The following MUS81 variants were observed in gnomAD, a reference collection of about 807,000 sequenced individuals.
The protein encoded by MUS81 is structure-specific endonuclease subunit MUS81.
Under a neutral mutation model 74.2 loss-of-function variants are expected in MUS81, and 69 were observed. The ratio of observed to expected loss-of-function variants is 0.93; its 90% confidence interval spans 0.77 to 1.14. The LOEUF is 1.14. Among genes scored for constraint, MUS81 ranks in the 50% most tolerant of loss-of-function variants. The probability of loss-of-function intolerance (pLI) is 0.00; values close to 1 mark genes in which losing one functional copy is unlikely to be tolerated. For synonymous variants in MUS81, 303 were observed against 300.6 expected, an observed-to-expected ratio of 1.01 and a Z score of -0.08; for missense variants, 711 against 726.5, an observed-to-expected ratio of 0.98 and a Z score of 0.25.
intron 7 of MUS81, 30 bp downstream of exon 7, chr11:65,863,235 A>C (rs770302696): frequency 3.8e-6 from 6 of 1,599,410 alleles, no homozygotes; most frequent in Non-Finnish European, 5.1e-6. Flanking sequence ...AGTGGGGAAA[A>C]CAGGGAGGAG....
chr11:65,860,910 T>C (rs756729465), intron 1 of MUS81, 22 bp downstream of exon 1: 2 of 1,604,098 alleles, frequency 1.2e-6, no homozygotes, highest in Non-Finnish European at 1.7e-6. Context: ...CGTGGCCCGA[T>C]GGGAAAAGCT....
At chr11:65,865,182 C>T in intron 13 of MUS81, 37 bp downstream of exon 13, 1 of 1,614,182 alleles carries the variant, frequency 6.2e-7, no homozygotes, top group Non-Finnish European at 8.5e-7. Flanking sequence ...CATGGCCTGG[C>T]CCAGACCCCC....
downstream of MUS81, chr11:65,866,531 T>C (rs1394570123): frequency 4.3e-6 from 3 of 702,774 alleles, no homozygotes; most frequent in South Asian, 1.5e-5. Context: ...GAGTTAGGAA[T>C]GGAACCCAGG....
In MUS81 at chr11:65,860,758, C is replaced by T. The variant is rs1372835909; in HGVS notation, c.5C>T (p.Ala2Val). 19 of 1,533,740 alleles carry T rather than the reference C, an allele frequency of 1.2e-5. No individual in the cohort carries two copies. The highest frequency in any genetic ancestry group is 1.6e-5 in the Non-Finnish European group (18 of 1,145,482). The change falls in exon 1 of 16, where the codon GCG becomes GTG. Residue 2 changes from alanine to valine, a missense_variant. Coordinates refer to ENST00000308110, the MANE Select transcript of MUS81 (RefSeq NM_025128.5). M[A>V]APVRLGRKRP... ...GGAGGACCCGCCCTCGGGCTCATGGCGGCCCCGGTCCGCCTGGGCCGGAAG... is the reference window on the plus strand; with the variant it reads ...GGAGGACCCGCCCTCGGGCTCATGGTGGCCCCGGTCCGCCTGGGCCGGAAG...
chr11:65,866,722 T>C (rs776539932), downstream of MUS81: 12 of 747,326 alleles, frequency 1.6e-5, no homozygotes, highest in Non-Finnish European at 2.4e-5. Flanking sequence ...CCTGAACATA[T>C]AGAGACCCCC....
At chr11:65,866,836 C>T (rs779505726), downstream of MUS81, 30 of 1,557,116 alleles carry the variant, frequency 1.9e-5, no homozygotes, top group Non-Finnish European at 2.6e-5. Flanking sequence ...TTCTTTCTCC[C>T]TTTATTGCCT....
intron 3 of MUS81, 154 bp from the exon 4 acceptor site, chr11:65,861,793 A>G (rs1424738699): frequency 3.0e-6 from 2 of 673,398 alleles, no homozygotes; most frequent in Non-Finnish European, 5.1e-6. Flanking sequence ...TTTATCCCAG[A>G]TTTGCAGCGG....
chr11:65,865,667 C>A, intron 14 of MUS81, 144 bp from the exon 15 acceptor site: 1 of 850,556 alleles, frequency 1.2e-6, no homozygotes, highest in Non-Finnish European at 1.9e-6. Flanking sequence ...GCCCGGCTGG[C>A]ATGGGGCCTT....
rs752545928 is a variant in MUS81 at position 65,864,820 on chromosome 11, G to T, written c.1272+5G>T. Reference sequence around the variant, plus strand: ...GGCCTGCAGAGACTCTACCAGGTGAGCAGAGGCCCCTTTCCCAGTGTCGGG... The same window carrying T: ...GGCCTGCAGAGACTCTACCAGGTGATCAGAGGCCCCTTTCCCAGTGTCGGG... On this transcript the variant is annotated splice_donor_5th_base_variant and intron_variant, in intron 12 of 15. Transcript: ENST00000308110. The T allele has an allele frequency of 1.9e-6, 3 of 1,611,290 alleles. No individual in the cohort carries two copies. Among genetic ancestry groups the T allele is most frequent in the South Asian group, 2.2e-5 (2 of 91,026 alleles).
chr11:65,863,299 T>C, intron 7 of MUS81, 94 bp downstream of exon 7: 1 of 1,579,976 alleles, frequency 6.3e-7, no homozygotes, highest in Middle Eastern at 2.1e-4. Flanking sequence ...GCAGCTGAAC[T>C]GTGGCTGCCT....
chr11:65,864,314 C>T (rs1859729680), intron 10 of MUS81, 183 bp from the exon 11 acceptor site: 2 of 627,072 alleles, frequency 3.2e-6, no homozygotes, highest in East Asian at 5.5e-5. Context: ...GCTTTCTAGA[C>T]AAGAGTGTCA....
intron 12 of MUS81, 77 bp downstream of exon 12, chr11:65,864,892 A>C: frequency 6.3e-7 from 1 of 1,578,964 alleles, no homozygotes; most frequent in Non-Finnish European, 8.6e-7. Context: ...GTGCATCCCC[A>C]AAAGAAGCAA....
chr11:65,864,555 C>T lies in MUS81; in HGVS notation c.1118C>T (p.Ser373Phe). 1 of 1,614,182 alleles carries T rather than the reference C, an allele frequency of 6.2e-7. No individual in the cohort carries two copies. Among genetic ancestry groups the T allele is most frequent in the Non-Finnish European group, 8.5e-7 (1 of 1,180,024 alleles). Residue 373 changes from serine (S) to phenylalanine (F), a missense_variant, in exon 11 of 16, where the codon TCC becomes TTC. Physicochemically the swap from Ser to Phe is radical, Grantham distance 155. Transcript: ENST00000308110. Reference sequence around the variant, plus strand: ...GTATACCTGGTGGAAGAGCATGGTTCCGTCCACAACCTCAGCCTTCCTGAG... The same window carrying T: ...GTATACCTGGTGGAAGAGCATGGTTTCGTCCACAACCTCAGCCTTCCTGAG... ...RRVYLVEEHG[S>F]VHNLSLPEST...
In MUS81 at chr11:65,860,858, C is replaced by A; in HGVS notation, c.105C>A (p.Ser35Arg). 1 of 1,547,632 alleles carries A rather than the reference C, an allele frequency of 6.5e-7. No homozygotes were observed. The highest frequency in any genetic ancestry group is 8.7e-7 in the Non-Finnish European group (1 of 1,148,562). The change falls in exon 1 of 16, where the codon AGC (serine) becomes AGA (arginine). Residue 35 changes from serine (S) to arginine (R), a missense_variant. Physicochemically the swap from Ser to Arg is moderately radical, Grantham distance 110. Coordinates refer to ENST00000308110, the MANE Select transcript of MUS81 (RefSeq NM_025128.5). Reference protein sequence around the residue: ...LTEWRDEATRSRRRTRFVFQK... With the variant: ...LTEWRDEATRRRRRTRFVFQK... Reference sequence around the variant, plus strand: ...AGTGGCGGGACGAGGCGACCCGCAGCAGGCGCCGCACGCGCTTCGTATTTC... The same window carrying A: ...AGTGGCGGGACGAGGCGACCCGCAGAAGGCGCCGCACGCGCTTCGTATTTC...
At chr11:65,865,568 A>T in intron 14 of MUS81, 1 of 624,590 alleles carries the variant, frequency 1.6e-6, no homozygotes, top group Non-Finnish European at 2.8e-6. Flanking sequence ...GGCTTCCTGG[A>T]GAAGGGGTTG....
At chr11:65,863,928 C>G in intron 10 of MUS81, 27 bp downstream of exon 10, 2 of 1,609,688 alleles carry the variant, frequency 1.2e-6, no homozygotes, top group Non-Finnish European at 1.7e-6. Flanking sequence ...TGCCAGGCTT[C>G]CCTGCCTGCT....
At chr11:65,864,411 G>A in intron 10 of MUS81, 86 bp from the exon 11 acceptor site, 1 of 1,253,640 alleles carries the variant, frequency 8.0e-7, no homozygotes, top group South Asian at 1.2e-5. Flanking sequence ...CAGGGTCCCG[G>A]CACCATTTTG....
intron 3 of MUS81, 58 bp from the exon 4 acceptor site, chr11:65,861,889 G>T: frequency 1.4e-6 from 2 of 1,381,416 alleles, no homozygotes; most frequent in African/African-American, 1.4e-5. Flanking sequence ...GCCTGCTGGG[G>T]ACTTATTCAA....
At chr11:65,861,800 G>A in intron 3 of MUS81, 147 bp from the exon 4 acceptor site, 2 of 684,588 alleles carry the variant, frequency 2.9e-6, no homozygotes, top group Non-Finnish European at 5.0e-6. Flanking sequence ...CAGATTTGCA[G>A]CGGATCATCC....
Sources: allele counts gnomAD v4.1 joint callset, GRCh38; gene constraint gnomAD v4.1.1; transcripts MANE v1.5; gene names NCBI Gene and HGNC (gene_info 2026-07-23, HGNC 2026-07-21).